The following ARIH1 variants were observed in gnomAD, a reference collection of about 807,000 sequenced individuals.
ARIH1 encodes E3 ubiquitin-protein ligase ARIH1.
A neutral mutation model predicts 85.0 loss-of-function variants in ARIH1; 8 were observed. The observed-to-expected ratio is 0.09, with a 90% confidence interval of 0.06 to 0.17. The LOEUF (loss-of-function observed/expected upper bound fraction) is 0.17, where lower values mean the gene tolerates loss of function less well. Among genes scored for constraint, ARIH1 ranks in the 10% least tolerant of loss-of-function variants. The pLI is 1.00. For synonymous variants in ARIH1, 238 were observed against 253.6 expected (o/e 0.94, Z 0.59); for missense variants, 311 against 718.1 (o/e 0.43, Z 6.48).
intron 3 of ARIH1, among the ~76,000 whole-genome samples, chr15:72,545,525 C>T (rs561789384): frequency 4.7e-4 from 72 of 152,278 alleles, no homozygotes; most frequent in African/African-American, 1.6e-3. Flanking sequence ...AATAACCTTC[C>T]TAAAAATTTA....
In ARIH1 at chr15:72,477,604, A is replaced by G. The variant is rs1208469482; in HGVS notation, c.375+2590A>G. Among the ~76,000 whole-genome samples, 3 of 152,170 alleles carry G rather than the reference A, an allele frequency of 2.0e-5. No homozygotes were observed. The East Asian group carries it at 5.8e-4, about 29-fold the overall frequency. On this transcript the variant is annotated intron_variant, in intron 1 of 13. Transcript: ENST00000379887. Reference sequence around the variant, plus strand: ...AATACTGTTATTTGTGGATATTTGCAGGTTAGGTTTGGTCTTCAAATAAGT... The same window carrying G: ...AATACTGTTATTTGTGGATATTTGCGGGTTAGGTTTGGTCTTCAAATAAGT...
chr15:72,553,975 A>G (rs2064163926), intron 3 of ARIH1, among the ~76,000 whole-genome samples: 1 of 152,206 alleles, frequency 6.6e-6, no homozygotes, highest in South Asian at 2.1e-4. Flanking sequence ...TTCTTTTACA[A>G]GAAATTTCAC....
rs1354392421 is a variant in ARIH1, at chr15:72,486,884, A to G, written c.375+11870A>G. Among the ~76,000 whole-genome samples the G allele has an allele frequency of 2.0e-5, 3 of 151,418 alleles. No homozygotes were observed. In the East Asian group the frequency reaches 5.8e-4, roughly 29 times the overall value. ...AATTTTTGTATTTTTTGGTAGAGAC[A>G]GGGTTTCACCATGTTGGCCAGGCTG... is the stretch of plus-strand genomic sequence containing the variant. On this transcript the variant is annotated intron_variant, in intron 1 of 13. Coordinates refer to ENST00000379887, the MANE Select transcript of ARIH1 (RefSeq NM_005744.5).
Position 72,474,403 on chromosome 15 carries a change from T to A in ARIH1, c.-237T>A. On this transcript the variant is annotated 5_prime_UTR_variant, in exon 1 of 14. Transcript: ENST00000379887. ...TCGGAGGCCGGAGCGGAGCCGCGTC[T>A]GACTGAGGCGGGCAGCAAGCGGCCC... 1 of 547,596 alleles carries A rather than the reference T, an allele frequency of 1.8e-6. No homozygotes were observed. Among genetic ancestry groups the A allele is most frequent in the Non-Finnish European group, 3.2e-6 (1 of 315,522 alleles). The allele number at this position is 547,596 out of a possible 1,614,324, so 33.9% of individuals were successfully genotyped here.
chr15:72,519,475 GTTTTTTTTTTTTTTTT>G (rs150165121), intron 2 of ARIH1, among the ~76,000 whole-genome samples: 10 of 62,554 alleles, frequency 1.6e-4, no homozygotes, highest in African/African-American at 2.6e-4. Context: ...TGTTTTTTTT[GTTTTTTTTTTTTTTTT>G]TTTTTTTTTG....
rs1233884509 is a variant in ARIH1, at chr15:72,584,399, C to T, written c.*1107C>T. 1 of 152,218 alleles carries T rather than the reference C, an allele frequency of 6.6e-6. No homozygotes were observed. The highest frequency in any genetic ancestry group is 2.4e-5 in the African/African-American group (1 of 41,464). The allele number at this position is 152,218 out of a possible 1,614,324, so 9.4% of individuals were successfully genotyped here. On this transcript the variant is annotated 3_prime_UTR_variant, in exon 14 of 14. Transcript: ENST00000379887. ...GGCATTCTTAAGTCCCCTGTCGCAT[C>T]CAGTGGAAGCATTTTAAAATTTCTT...
At chr15:72,501,169 A>G (rs1391152389) in intron 1 of ARIH1, among the ~76,000 whole-genome samples, 1 of 151,558 alleles carries the variant, frequency 6.6e-6, no homozygotes, top group African/African-American at 2.5e-5. Context: ...TAAAGGATAC[A>G]GGGGTATATT....
At position 72,593,194 on chromosome 15, in the gene ARIH1, TG is replaced by T. The variant is rs1287683109; in HGVS notation, c.*9903del. 2.6e-5 allele frequency: 4 copies of T among 152,350 alleles called. 1 individual carries two copies. Among genetic ancestry groups the T allele is most frequent in the African/African-American group, 9.6e-5 (4 of 41,590 alleles). 9.4% of individuals were successfully genotyped at this position (152,350 alleles called of 1,614,324 possible). ...CTTTTTCATATGCTTATTTTTCATT[TG>T]TATATCTTTCAAGAAGTGTCTTTCA... On this transcript the variant is annotated 3_prime_UTR_variant, in exon 14 of 14. Transcript: ENST00000379887.
intron 1 of ARIH1, among the ~76,000 whole-genome samples, chr15:72,477,748 A>G (rs190799407): frequency 6.6e-6 from 1 of 152,308 alleles, no homozygotes; most frequent in Admixed American, 6.5e-5. Flanking sequence ...TTTTGTTTAA[A>G]TGCTTTGTGG....
intron 1 of ARIH1, among the ~76,000 whole-genome samples, chr15:72,482,750 C>G (rs1253217721): frequency 1.3e-5 from 2 of 151,692 alleles, no homozygotes; most frequent in Admixed American, 1.3e-4. Context: ...AGTCACAATT[C>G]TGGATGCAGC....
intron 11 of ARIH1, among the ~76,000 whole-genome samples, chr15:72,578,900 T>C (rs1030494422): frequency 1.4e-5 from 2 of 146,120 alleles, no homozygotes; most frequent in African/African-American, 2.4e-5. Flanking sequence ...TTCTCCTGCC[T>C]CAGCCTCCCA....
intron 2 of ARIH1, among the ~76,000 whole-genome samples, chr15:72,523,279 G>C (rs555693927): frequency 6.6e-6 from 1 of 152,294 alleles, no homozygotes; most frequent in South Asian, 2.1e-4. Flanking sequence ...GTAAACTGTG[G>C]TACATCCAGA....
chr15:72,545,023 T>C, intron 3 of ARIH1, 59 bp downstream of exon 3: 1 of 1,432,132 alleles, frequency 7.0e-7, no homozygotes, highest in Non-Finnish European at 9.3e-7. Flanking sequence ...GTAAATCAAC[T>C]TCCATTATTT....
intron 1 of ARIH1, among the ~76,000 whole-genome samples, chr15:72,487,984 A>G (rs2063843936): frequency 6.6e-6 from 1 of 152,000 alleles, no homozygotes; most frequent in East Asian, 1.9e-4. Context: ...TTGTGTTTTC[A>G]TGCTTTTGTT....
In ARIH1 at chr15:72,589,406, C is replaced by CT. The variant is rs2064331398; in HGVS notation, c.*6115dup. The CT allele has an allele frequency of 1.3e-5, 2 of 152,222 alleles. No homozygotes were observed. Among genetic ancestry groups the CT allele is most frequent in the African/African-American group, 4.8e-5 (2 of 41,450 alleles). The allele number at this position is 152,222 out of a possible 1,614,324, so 9.4% of individuals were successfully genotyped here. The stretch of plus-strand genomic sequence containing the variant: ...GCAAAAGATAAGGATACAGAGCTGT[C>CT]TCAGAGACTCCCAAAGGCAGGATGA... On this transcript the variant is annotated 3_prime_UTR_variant, in exon 14 of 14. Transcript: ENST00000379887.
At chr15:72,508,974 G>A (rs2063938478) in intron 1 of ARIH1, among the ~76,000 whole-genome samples, 1 of 150,600 alleles carries the variant, frequency 6.6e-6, no homozygotes. Flanking sequence ...GATTACAGGT[G>A]TGAGCCACTG....
chr15:72,570,084 A>G, intron 9 of ARIH1, 93 bp from the exon 10 acceptor site: 1 of 1,455,736 alleles, frequency 6.9e-7, no homozygotes, highest in Admixed American at 1.9e-5. Context: ...TAAAATGTTT[A>G]AAAACAAACC....
At chr15:72,579,728 A>G (rs2064287787) in intron 11 of ARIH1, among the ~76,000 whole-genome samples, 1 of 152,320 alleles carries the variant, frequency 6.6e-6, no homozygotes, top group South Asian at 2.1e-4. Flanking sequence ...GTATTAAATA[A>G]CAAAAGTAGC....
At chr15:72,511,269 TTACTAG>T (rs1297499391) in intron 1 of ARIH1, among the ~76,000 whole-genome samples, 2 of 152,194 alleles carry the variant, frequency 1.3e-5, no homozygotes, top group Non-Finnish European at 2.9e-5. Flanking sequence ...CAGTTATTCA[TTACTAG>T]TATGTAAAAA....
Sources: allele counts gnomAD v4.1 joint callset (sites outside exome capture counted in the v4.1 genomes callset), GRCh38; gene constraint gnomAD v4.1.1; transcripts MANE v1.5; gene names NCBI Gene and HGNC (gene_info 2026-07-23, HGNC 2026-07-21).